Variants in TOM1L2 observed in about 807,000 individuals in gnomAD.
TOM1L2 encodes the protein TOM1-like protein 2.
In TOM1L2, 31 loss-of-function variants were observed where a neutral mutation model predicts 67.9. The observed-to-expected ratio is 0.46, with a 90% CI of 0.34 to 0.62. The LOEUF is 0.62. Among genes scored for constraint, TOM1L2 ranks in the 20% least tolerant of loss-of-function variants. TOM1L2 has a pLI of 0.01. For missense variants in TOM1L2, 606 were observed against 663.5 expected (o/e 0.91, Z 0.95); for synonymous variants, 256 against 254.0 (o/e 1.01, Z -0.07).
chr17:17,969,610 T>C (rs988989711), intron 1 of TOM1L2, among the ~76,000 whole-genome samples: 11 of 152,194 alleles, frequency 7.2e-5, no homozygotes, highest in African/African-American at 2.7e-4. Flanking sequence ...GCCATCATCA[T>C]CTTTAGTCAA....
At chr17:17,950,462 CT>C (rs1002265522) in intron 1 of TOM1L2, among the ~76,000 whole-genome samples, 225 of 147,710 alleles carry the variant, frequency 1.5e-3, no homozygotes, top group African/African-American at 1.3e-3. Flanking sequence ...CCTAGCCTCT[CT>C]TTTTTTTTTT....
intron 1 of TOM1L2, among the ~76,000 whole-genome samples, chr17:17,935,862 T>G (rs572246419): frequency 1.3e-5 from 2 of 151,960 alleles, no homozygotes; most frequent in Admixed American, 1.3e-4. Context: ...CACCTATCAA[T>G]TTAGCAAATT....
intron 1 of TOM1L2, among the ~76,000 whole-genome samples, chr17:17,929,216 G>A (rs534429905): frequency 2.7e-4 from 41 of 152,328 alleles, no homozygotes; most frequent in African/African-American, 9.9e-4. Context: ...TGCCCATCTA[G>A]ACAGAAGTGG....
intron 4 of TOM1L2, 118 bp from the exon 5 acceptor site, chr17:17,884,886 T>C (rs2037917242): frequency 4.5e-6 from 6 of 1,331,542 alleles, no homozygotes; most frequent in African/African-American, 1.4e-5. Context: ...CACATGCAAA[T>C]TGCACTGGCT....
At chr17:17,953,270 A>T (rs1486861737) in intron 1 of TOM1L2, among the ~76,000 whole-genome samples, 1 of 152,124 alleles carries the variant, frequency 6.6e-6, no homozygotes, top group Non-Finnish European at 1.5e-5. Flanking sequence ...ACAGAGCGAG[A>T]CTCTGTCTCA....
intron 1 of TOM1L2, among the ~76,000 whole-genome samples, chr17:17,916,362 C>T (rs923591523): frequency 7.9e-5 from 12 of 152,112 alleles, no homozygotes; most frequent in Non-Finnish European, 1.5e-4. Flanking sequence ...CATGAATCAC[C>T]GCGCCCGGCC....
chr17:17,903,035 T>C (rs1454293766), intron 2 of TOM1L2, among the ~76,000 whole-genome samples: 2 of 152,006 alleles, frequency 1.3e-5, no homozygotes, highest in African/African-American at 4.8e-5. Context: ...ACCTGCCTCA[T>C]CTGGCTGATA....
chr17:17,944,290 C>A (rs549455183), intron 1 of TOM1L2, among the ~76,000 whole-genome samples: 2 of 152,354 alleles, frequency 1.3e-5, no homozygotes, highest in East Asian at 3.9e-4. Flanking sequence ...GGATGCTGAG[C>A]AGAGGGCTCC....
At chr17:17,940,178 G>T (rs951590665) in intron 1 of TOM1L2, among the ~76,000 whole-genome samples, 1 of 118,614 alleles carries the variant, frequency 8.4e-6, no homozygotes, top group African/African-American at 3.5e-5. Context: ...GGGCGACAGA[G>T]CAAGACTCTA....
At chr17:17,905,020 A>C (rs2039027303) in intron 2 of TOM1L2, among the ~76,000 whole-genome samples, 1 of 151,980 alleles carries the variant, frequency 6.6e-6, no homozygotes, top group South Asian at 2.1e-4. Flanking sequence ...GTCAGTAAAC[A>C]TGGCCAGATG....
intron 1 of TOM1L2, among the ~76,000 whole-genome samples, chr17:17,939,758 A>C (rs1199542341): frequency 6.6e-6 from 1 of 152,248 alleles, no homozygotes; most frequent in East Asian, 1.9e-4. Flanking sequence ...AAAGTTAAAC[A>C]TAGGGCAGAG....
At chr17:17,928,450 A>C (rs1486482115) in intron 1 of TOM1L2, among the ~76,000 whole-genome samples, 1 of 152,270 alleles carries the variant, frequency 6.6e-6, no homozygotes, top group Non-Finnish European at 1.5e-5. Context: ...TATTATGTGC[A>C]TACTAATCAC....
At position 17,845,229 on chromosome 17, in the gene TOM1L2, G is replaced by A. The variant is rs2035580686; in HGVS notation, c.*2406C>T. 6.6e-6 allele frequency: 1 copy of A among 152,248 alleles called. No homozygotes were observed. The highest frequency in any genetic ancestry group is 2.4e-5 in the African/African-American group (1 of 41,454). The allele number at this position is 152,248 out of a possible 1,614,324, so 9.4% of individuals were successfully genotyped here. On this transcript the variant is annotated 3_prime_UTR_variant, in exon 15 of 15. Transcript: ENST00000379504. ...CCACCTGAGGGGTGGCTCCAGGCTAGGAAGGCAGGTGACACTTGTCAGCAT... is the reference window on the plus strand; with the variant it reads ...CCACCTGAGGGGTGGCTCCAGGCTAAGAAGGCAGGTGACACTTGTCAGCAT...
At chr17:17,870,264 C>T (rs1434139270) in intron 7 of TOM1L2, among the ~76,000 whole-genome samples, 2 of 152,172 alleles carry the variant, frequency 1.3e-5, no homozygotes, top group African/African-American at 4.8e-5. Context: ...GCAACATCCC[C>T]GTGACGACAG....
chr17:17,875,433 C>T (rs1440725811), intron 7 of TOM1L2, among the ~76,000 whole-genome samples: 1 of 152,172 alleles, frequency 6.6e-6, no homozygotes, highest in East Asian at 1.9e-4. Flanking sequence ...GCTTCCTCCA[C>T]CTCCAAATCA....
At chr17:17,878,227 G>A (rs2037524490) in intron 7 of TOM1L2, among the ~76,000 whole-genome samples, 1 of 152,258 alleles carries the variant, frequency 6.6e-6, no homozygotes, top group Non-Finnish European at 1.5e-5. Context: ...AGCTGGATCT[G>A]CTGAGCTGAG....
chr17:17,882,087 A>G (rs879848760), intron 6 of TOM1L2, among the ~76,000 whole-genome samples: 1 of 152,224 alleles, frequency 6.6e-6, no homozygotes, highest in Non-Finnish European at 1.5e-5. Flanking sequence ...GCATTAGTTT[A>G]TCAGGAAGTA....
intron 3 of TOM1L2, among the ~76,000 whole-genome samples, chr17:17,895,500 T>C (rs1192611528): frequency 6.6e-6 from 1 of 152,222 alleles, no homozygotes; most frequent in Non-Finnish European, 1.5e-5. Context: ...TTCCATAACA[T>C]ATGGAGTTTT....
chr17:17,907,327 C>G (rs545317662), intron 2 of TOM1L2, 120 bp downstream of exon 2: 1 of 839,302 alleles, frequency 1.2e-6, no homozygotes, highest in African/African-American at 1.7e-5. Flanking sequence ...TTATTCGATG[C>G]CAAACCAAAC....
Sources: gnomAD v4.1 joint callset for allele counts (sites outside exome capture counted in the v4.1 genomes callset) on GRCh38, gnomAD v4.1.1 for gene constraint, MANE v1.5 for transcripts, NCBI Gene and HGNC (gene_info 2026-07-23, HGNC 2026-07-21) for gene names.